STXBP4: variants seen among roughly 807,000 people sequenced by gnomAD.
STXBP4 encodes the protein syntaxin-binding protein 4.
In STXBP4, 55 loss-of-function variants were observed where a neutral mutation model predicts 76.1. The observed-to-expected ratio is 0.72, with a 90% confidence interval of 0.58 to 0.91. The LOEUF is 0.91. STXBP4 is among the 40% of genes least tolerant of loss of function. The probability of loss-of-function intolerance (pLI) is 0.00; values close to 1 mark genes in which losing one functional copy is unlikely to be tolerated. For synonymous variants in STXBP4, 201 were observed against 220.2 expected, an observed-to-expected ratio of 0.91 and a Z score of 0.77; for missense variants, 618 against 636.9, an observed-to-expected ratio of 0.97 and a Z score of 0.32.
At chr17:55,066,778 G>A (rs1164366345) in intron 12 of STXBP4, among the ~76,000 whole-genome samples, 1 of 152,090 alleles carries the variant, frequency 6.6e-6, no homozygotes, top group Non-Finnish European at 1.5e-5. Flanking sequence ...CGGAGGCCGA[G>A]GTGGGTGGAT....
At chr17:55,047,293 C>A in intron 12 of STXBP4, 139 bp downstream of exon 12, 1 of 471,042 alleles carries the variant, frequency 2.1e-6, no homozygotes, top group Non-Finnish European at 3.7e-6. Flanking sequence ...TTACATAATA[C>A]AAAATAGCAC....
chr17:55,049,877 T>C (rs528403002), intron 12 of STXBP4, among the ~76,000 whole-genome samples: 141 of 152,196 alleles, frequency 9.3e-4, no homozygotes, highest in Non-Finnish European at 1.7e-3. Context: ...GAAACTATTC[T>C]AGATAAAAGG....
the STXBP4 span, among the ~76,000 whole-genome samples, chr17:55,200,096 A>AT: frequency 6.6e-6 from 1 of 152,140 alleles, no homozygotes; most frequent in African/African-American, 2.4e-5. Context: ...TGTTATTTAT[A>AT]TTTTTATTTG....
At chr17:55,035,484 A>C (rs2144701535) in intron 10 of STXBP4, among the ~76,000 whole-genome samples, 1 of 151,990 alleles carries the variant, frequency 6.6e-6, no homozygotes, top group Admixed American at 6.6e-5. Flanking sequence ...CTGATAACAC[A>C]TAATTGTATG....
At chr17:54,976,618 G>A (rs551591156) in intron 1 of STXBP4, among the ~76,000 whole-genome samples, 4 of 152,252 alleles carry the variant, frequency 2.6e-5, no homozygotes, top group African/African-American at 7.2e-5. Flanking sequence ...CCGGCCAGAC[G>A]GCAGGAGGTG....
intron 4 of STXBP4, among the ~76,000 whole-genome samples, chr17:54,996,849 A>G (rs1015560942): frequency 1.3e-5 from 2 of 152,244 alleles, no homozygotes; most frequent in African/African-American, 4.8e-5. Flanking sequence ...ATTGAAATGT[A>G]TTATTTAGAA....
At position 55,159,907 on chromosome 17, in the gene STXBP4, G is replaced by T. The variant is rs2080322510; in HGVS notation, c.1658G>T (p.Ser553Ile). ...TCTAGAGAACTCCCCAACCAGAAAAGTTGATGGTTTTCCTTAGGAAGTGGA... is the reference window on the plus strand; with the variant it reads ...TCTAGAGAACTCCCCAACCAGAAAATTTGATGGTTTTCCTTAGGAAGTGGA... ...DCSRELPNQK[S>I] Residue 553 changes from serine to isoleucine, a missense_variant, in exon 18 of 18, where the codon AGT (serine) becomes ATT (isoleucine). Coordinates refer to ENST00000376352, the MANE Select transcript of STXBP4 (RefSeq NM_178509.6). 6.2e-7 allele frequency: 1 copy of T among 1,604,804 alleles called. No individual in the cohort carries two copies. The highest frequency in any genetic ancestry group is 8.5e-7 in the Non-Finnish European group (1 of 1,171,804).
At chr17:55,135,052 CT>C (rs1242068483) in intron 16 of STXBP4, among the ~76,000 whole-genome samples, 1 of 152,072 alleles carries the variant, frequency 6.6e-6, no homozygotes, top group Non-Finnish European at 1.5e-5. Flanking sequence ...TAAAAAAATA[CT>C]GAATTTTGCA....
chr17:55,090,184 T>G (rs1317599028), intron 16 of STXBP4, among the ~76,000 whole-genome samples: 1 of 152,056 alleles, frequency 6.6e-6, no homozygotes, highest in Non-Finnish European at 1.5e-5. Flanking sequence ...CTTTTTTATC[T>G]TAGTGAGTCA....
At position 55,023,413 on chromosome 17, in the gene STXBP4, C is replaced by G. The variant is rs576227092; in HGVS notation, c.667-7755C>G. On this transcript the variant is annotated intron_variant, in intron 8 of 17. Coordinates refer to ENST00000376352, the MANE Select transcript of STXBP4 (RefSeq NM_178509.6). ...ACCTAAGTCTAAACAGGAAAATTTA[C>G]GCCTGAGAAACATAGCCTGAAAGTA... Among the ~76,000 whole-genome samples the G allele has an allele frequency of 6.9e-4, 105 of 152,250 alleles. 1 individual carries two copies. The highest frequency in any genetic ancestry group is 2.2e-3 in the African/African-American group (93 of 41,542).
chr17:54,992,567 T>C (rs1017508503), intron 4 of STXBP4, among the ~76,000 whole-genome samples: 20 of 152,080 alleles, frequency 1.3e-4, no homozygotes, highest in African/African-American at 4.8e-4. Flanking sequence ...GAGGTGTTAC[T>C]TTAGTGTTAA....
intron 8 of STXBP4, among the ~76,000 whole-genome samples, chr17:55,025,982 A>G (rs965237653): frequency 2.0e-5 from 3 of 152,222 alleles, no homozygotes; most frequent in Non-Finnish European, 4.4e-5. Context: ...ATTTCTATAC[A>G]CTAACAATGC....
chr17:54,972,919 T>C (rs551283082), intron 1 of STXBP4, among the ~76,000 whole-genome samples: 1 of 152,322 alleles, frequency 6.6e-6, no homozygotes, highest in Non-Finnish European at 1.5e-5. Context: ...AGTGAATTCA[T>C]CTCTGCCTGG....
intron 8 of STXBP4, among the ~76,000 whole-genome samples, chr17:55,029,551 C>T (rs2078470554): frequency 6.6e-6 from 1 of 150,648 alleles, no homozygotes; most frequent in Admixed American, 6.6e-5. Flanking sequence ...GAAAAAAATA[C>T]AGAAGCTAAA....
chr17:54,991,699 A>T (rs1462652136), intron 4 of STXBP4: 1 of 151,074 alleles, frequency 6.6e-6, no homozygotes, highest in East Asian at 1.9e-4. Flanking sequence ...TAAAGAATTT[A>T]ATAAAATTAT....
In STXBP4 at chr17:55,162,930, T is replaced by C. The variant is rs1026666863; in HGVS notation, c.*3019T>C. On this transcript the variant is annotated 3_prime_UTR_variant, in exon 18 of 18. Coordinates refer to ENST00000376352, the MANE Select transcript of STXBP4 (RefSeq NM_178509.6). ...CAATTTATTGAACACTAAAATGTTT[T>C]AAGTTTTCTTATTGCTAACAATGTC... is the stretch of plus-strand genomic sequence containing the variant. 12 of 152,260 alleles carry C rather than the reference T, an allele frequency of 7.9e-5. No individual in the cohort carries two copies. Among genetic ancestry groups the C allele is most frequent in the African/African-American group, 2.9e-4 (12 of 41,472 alleles). 9.4% of individuals were successfully genotyped at this position (152,260 alleles called of 1,614,324 possible).
intron 10 of STXBP4, among the ~76,000 whole-genome samples, chr17:55,041,182 C>A (rs1275498744): frequency 6.6e-6 from 1 of 150,516 alleles, no homozygotes; most frequent in Non-Finnish European, 1.5e-5. Flanking sequence ...ATCCTAGTTT[C>A]TCTTAATAAA....
Position 55,078,117 on chromosome 17 carries a change from G to A in STXBP4, c.1228G>A (p.Asp410Asn), listed in dbSNP as rs777780406. Reference sequence around the variant, plus strand: ...TTTAAAAAAGAGAATCATGGTACTCGACTGCCAATTACGAAAATCAGAAAT... The same window carrying A: ...TTTAAAAAAGAGAATCATGGTACTCAACTGCCAATTACGAAAATCAGAAAT... ...QDLKKRIMVLDCQLRKSEMAR... is the reference protein window; with the variant it reads ...QDLKKRIMVLNCQLRKSEMAR... The change falls in exon 14 of 18, where the codon GAC becomes AAC. Residue 410 changes from aspartate (D) to asparagine (N), a missense_variant. Coordinates refer to ENST00000376352, the MANE Select transcript of STXBP4 (RefSeq NM_178509.6). 48 of 1,611,738 alleles carry A rather than the reference G, an allele frequency of 3.0e-5. No individual in the cohort carries two copies. In the East Asian group the frequency reaches 6.3e-4, roughly 21 times the overall value.
At chr17:55,141,783 T>A (rs866914136) in intron 17 of STXBP4, among the ~76,000 whole-genome samples, 1 of 152,202 alleles carries the variant, frequency 6.6e-6, no homozygotes, top group Non-Finnish European at 1.5e-5. Context: ...TCTGCAACTA[T>A]TTTTTGAGCA....
Sources: allele counts gnomAD v4.1 joint callset (sites outside exome capture counted in the v4.1 genomes callset), GRCh38; gene constraint gnomAD v4.1.1; transcripts MANE v1.5; gene names NCBI Gene and HGNC (gene_info 2026-07-23, HGNC 2026-07-21).